The following SCRIB variants were observed in gnomAD, a reference collection of about 807,000 sequenced individuals.
The protein encoded by SCRIB is protein scribble homolog.
A neutral mutation model predicts 170.0 loss-of-function variants in SCRIB; 72 were observed. The ratio of observed to expected loss-of-function variants is 0.42; its 90% CI spans 0.35 to 0.52. SCRIB has a LOEUF of 0.52. SCRIB is among the 20% of genes least tolerant of loss of function. The probability of loss-of-function intolerance (pLI) is 0.02; values close to 1 mark genes in which losing one functional copy is unlikely to be tolerated. For missense variants in SCRIB, 2,475 were observed against 2,338.5 expected, an observed-to-expected ratio of 1.06 and a Z score of -1.20; for synonymous variants, 1,298 against 1,044.3, an observed-to-expected ratio of 1.24 and a Z score of -4.68.
chr8:143,813,779 C>G (rs1445633826), intron 3 of SCRIB, 39 bp downstream of exon 3: 1 of 1,610,370 alleles, frequency 6.2e-7, no homozygotes, highest in South Asian at 1.1e-5. Flanking sequence ...GCTGTGGGAC[C>G]CATAGCCCCT....
In SCRIB at chr8:143,807,634, G is replaced by A. The variant is rs371967562; in HGVS notation, c.2116-20C>T. On this transcript the variant is annotated intron_variant, in intron 15 of 36. Transcript: ENST00000356994. ...CACTCCCTGTTAGGACAGGACCAGT[G>A]AGGCATGCAGGTTAGCCACCGCCAA... 52 of 1,608,500 alleles carry A rather than the reference G, an allele frequency of 3.2e-5. No homozygotes were observed. The highest frequency in any genetic ancestry group is 5.3e-5 in the African/African-American group (4 of 74,774).
At chr8:143,794,396 C>T (rs1318762380) in intron 27 of SCRIB, among the ~76,000 whole-genome samples, 1 of 152,106 alleles carries the variant, frequency 6.6e-6, no homozygotes, top group Non-Finnish European at 1.5e-5. Flanking sequence ...TCCCGGAAGC[C>T]TCCCTCTTGG....
At position 143,810,822 on chromosome 8, in the gene SCRIB, G is replaced by A. The variant is rs1404946317; in HGVS notation, c.1274-6C>T. ...CCCCTGCTGCCCAGCATCCTCTGCA[G>A]CAGGTGAGCGTCAGGACCCAGGCTA... On this transcript the variant is annotated splice_polypyrimidine_tract_variant and splice_region_variant and intron_variant, in intron 11 of 36. Coordinates refer to ENST00000356994, the MANE Select transcript of SCRIB (RefSeq NM_182706.5). The A allele has an allele frequency of 6.2e-7, 1 of 1,601,456 alleles. No individual in the cohort carries two copies. Among genetic ancestry groups the A allele is most frequent in the Non-Finnish European group, 8.5e-7 (1 of 1,176,478 alleles).
chr8:143,808,731 C>A lies in SCRIB; in HGVS notation c.1993G>T (p.Glu665Ter). 1.3e-6 allele frequency: 2 copies of A among 1,549,760 alleles called. No individual in the cohort carries two copies. Among genetic ancestry groups the A allele is most frequent in the Non-Finnish European group, 1.8e-6 (2 of 1,138,554 alleles). The stretch of plus-strand genomic sequence containing the variant: ...TCCTCCTCCTGAGGACTACCCTCTT[C>A]CTCCTCCTCCTCCTCCTTCTGGGCC... Reference protein sequence around the residue: ...PRAQKEEEEEEEGSPQEEEEE... With the variant: ...PRAQKEEEEE The change falls in exon 15 of 37, where the codon GAA becomes TAA. Residue 665 changes from glutamate (E) to a stop codon, truncating the protein, a stop_gained. Transcript: ENST00000356994. LOFTEE classifies it high-confidence loss of function.
intron 27 of SCRIB, 103 bp downstream of exon 27, chr8:143,794,935 C>G: frequency 8.4e-7 from 1 of 1,187,696 alleles, no homozygotes; most frequent in Non-Finnish European, 1.2e-6. Flanking sequence ...CCCCAGCCCC[C>G]GCCCAAAGGT....
chr8:143,810,826 G>T lies in SCRIB; in HGVS notation c.1274-10C>A, dbSNP rs779229955. 2.5e-6 allele frequency: 4 copies of T among 1,601,498 alleles called. No homozygotes were observed. The highest frequency in any genetic ancestry group is 2.7e-5 in the African/African-American group (2 of 74,854). On this transcript the variant is annotated splice_polypyrimidine_tract_variant and intron_variant, in intron 11 of 36. Coordinates refer to ENST00000356994, the MANE Select transcript of SCRIB (RefSeq NM_182706.5). ...TGCTGCCCAGCATCCTCTGCAGCAG[G>T]TGAGCGTCAGGACCCAGGCTAGTCC... is the stretch of plus-strand genomic sequence containing the variant.
chr8:143,799,425 C>T (rs1222942585), intron 24 of SCRIB, among the ~76,000 whole-genome samples: 1 of 152,154 alleles, frequency 6.6e-6, no homozygotes, highest in Non-Finnish European at 1.5e-5. Flanking sequence ...CCCTGGTCAG[C>T]GTGACCAGGA....
Position 143,805,305 on chromosome 8 carries a change from G to GTGA in SCRIB, c.2474_2476dup (p.Ile825dup). The GTGA allele has an allele frequency of 6.5e-7, 1 of 1,547,790 alleles. No individual in the cohort carries two copies. The highest frequency in any genetic ancestry group is 8.7e-7 in the Non-Finnish European group (1 of 1,152,660). The stretch of plus-strand genomic sequence containing the variant: ...GTAATCATCCTCGGGCCGCAGCGGC[G>GTGA]TGATGGTGACCGCGTTCTCAGGCTC... On this transcript the variant is annotated inframe_insertion, in exon 19 of 37. Coordinates refer to ENST00000356994, the MANE Select transcript of SCRIB (RefSeq NM_182706.5).
intron 34 of SCRIB, 64 bp downstream of exon 34, chr8:143,791,812 G>A: frequency 3.4e-6 from 5 of 1,482,890 alleles, no homozygotes; most frequent in East Asian, 2.4e-5. Flanking sequence ...CGGGGGTGGG[G>A]GCAGGCCAGA....
Position 143,815,757 on chromosome 8 carries a change from G to A in SCRIB, c.-385C>T, listed in dbSNP as rs1816071449. 5 of 984,260 alleles carry A rather than the reference G, an allele frequency of 5.1e-6. No individual in the cohort carries two copies. Among genetic ancestry groups the A allele is most frequent in the Non-Finnish European group, 4.8e-6 (4 of 829,598 alleles). 61.0% of individuals were successfully genotyped at this position (984,260 alleles called of 1,614,324 possible). On this transcript the variant is annotated 5_prime_UTR_variant, in exon 1 of 37. In the 5' UTR this introduces an upstream ATG that the reference lacks. Transcript: ENST00000356994. ...CACCCACCCGGCCGCCGCGCAGCCC[G>A]TCGGGAAGCCGAGTCCGGCCCTCGC...
chr8:143,814,926 C>T (rs1289181486), intron 1 of SCRIB: 11 of 460,928 alleles, frequency 2.4e-5, no homozygotes, highest in Non-Finnish European at 3.9e-5. Flanking sequence ...CCAAGTTCCA[C>T]CCTAACCCCA....
intron 13 of SCRIB, 119 bp from the exon 14 acceptor site, chr8:143,809,837 T>C (rs1348438138): frequency 1.1e-5 from 13 of 1,179,700 alleles, no homozygotes; most frequent in Non-Finnish European, 1.5e-5. Context: ...CCAGGCACCG[T>C]TAACGGGCTC....
Position 143,815,270 on chromosome 8 carries a change from T to G in SCRIB, c.103A>C (p.Ser35Arg), listed in dbSNP as rs1816025024. ...AGCAGCAGCTCCTCCAGGCTGCGGCTGTAGCGGTAGATCTCCTCCGGCACG... is the reference window on the plus strand; with the variant it reads ...AGCAGCAGCTCCTCCAGGCTGCGGCGGTAGCGGTAGATCTCCTCCGGCACG... ...QAVPEEIYRY[S>R]RSLEELLLDA... Residue 35 changes from serine to arginine, a missense_variant, in exon 1 of 37, where the codon AGC becomes CGC. Coordinates refer to ENST00000356994, the MANE Select transcript of SCRIB (RefSeq NM_182706.5). The G allele has an allele frequency of 6.3e-7, 1 of 1,597,392 alleles. No homozygotes were observed. The highest frequency in any genetic ancestry group is 8.5e-7 in the Non-Finnish European group (1 of 1,175,206).
At chr8:143,794,670 C>T (rs114891562) in intron 27 of SCRIB, among the ~76,000 whole-genome samples, 8,326 of 152,128 alleles carry the variant, frequency 0.055, 272 homozygotes, top group Non-Finnish European at 0.076. Flanking sequence ...CCAGCCTGTC[C>T]TCCCCTTGGG....
At chr8:143,813,442 C>G in intron 5 of SCRIB, 28 bp downstream of exon 5, 1 of 1,613,222 alleles carries the variant, frequency 6.2e-7, no homozygotes, top group South Asian at 1.1e-5. Context: ...CCTGCCCTGG[C>G]TGTTAGGAGA....
intron 13 of SCRIB, 53 bp downstream of exon 13, chr8:143,810,426 C>G: frequency 6.3e-7 from 1 of 1,588,966 alleles, no homozygotes. Flanking sequence ...TGGACCGGAC[C>G]ACCACAGCTC....
chr8:143,812,229 C>T (rs367999212), intron 9 of SCRIB, 37 bp downstream of exon 9: 23 of 1,338,466 alleles, frequency 1.7e-5, no homozygotes, highest in Admixed American at 8.4e-5. Flanking sequence ...GCACCCCCGA[C>T]GGCCCCATCC....
At chr8:143,799,218 T>C (rs1425343257) in intron 24 of SCRIB, among the ~76,000 whole-genome samples, 3 of 152,186 alleles carry the variant, frequency 2.0e-5, no homozygotes, top group African/African-American at 2.4e-5. Flanking sequence ...TTTACAGACA[T>C]ATCTACAGAA....
chr8:143,800,176 C>T (rs1237687941), intron 24 of SCRIB, among the ~76,000 whole-genome samples: 3 of 152,166 alleles, frequency 2.0e-5, no homozygotes, highest in African/African-American at 7.2e-5. Flanking sequence ...GAGACCCCAG[C>T]TCCTCTCTCT....
Sources: gnomAD v4.1 joint callset for allele counts (sites outside exome capture counted in the v4.1 genomes callset) on GRCh38, gnomAD v4.1.1 for gene constraint, MANE v1.5 for transcripts, NCBI Gene and HGNC (gene_info 2026-07-23, HGNC 2026-07-21) for gene names.